The following PAWR variants were observed in gnomAD, a reference collection of about 807,000 sequenced individuals.
The protein encoded by PAWR is pro-apoptotic WT1 regulator.
Under a neutral mutation model 32.0 loss-of-function variants are expected in PAWR, and 23 were observed. The observed-to-expected ratio is 0.72, with a 90% CI of 0.52 to 1.02. The LOEUF (loss-of-function observed/expected upper bound fraction) is 1.02, where lower values mean the gene tolerates loss of function less well. Among genes scored for constraint, PAWR ranks in the 50% least tolerant of loss-of-function variants. The pLI is 0.00. For missense variants in PAWR, 457 were observed against 437.7 expected (o/e 1.04, Z -0.39); for synonymous variants, 226 against 187.1 (o/e 1.21, Z -1.70).
Position 79,676,758 on chromosome 12 carries a change from C to T in PAWR, c.516+12971G>A, listed in dbSNP as rs77787900. ...CTATTTCCTAACATAAGCCCTCTAC[C>T]CCAATCAGGTTACTAATTCTCATCT... On this transcript the variant is annotated intron_variant, in intron 2 of 6. Transcript: ENST00000328827. Among the ~76,000 whole-genome samples the T allele has an allele frequency of 4.4e-3, 676 of 152,266 alleles. 8 individuals are homozygous for T. The highest frequency in any genetic ancestry group is 0.015 in the African/African-American group (610 of 41,548).
chr12:79,658,789 G>A (rs572299696), intron 2 of PAWR, among the ~76,000 whole-genome samples: 56 of 151,754 alleles, frequency 3.7e-4, no homozygotes, highest in African/African-American at 1.3e-3. Flanking sequence ...TCAGCCTCTT[G>A]GGTAGCTGGG....
chr12:79,640,864 A>C (rs1432450313), intron 2 of PAWR, among the ~76,000 whole-genome samples: 5 of 152,198 alleles, frequency 3.3e-5, no homozygotes, highest in Non-Finnish European at 7.3e-5. Flanking sequence ...ACTATGTCCT[A>C]TAATAGTTTG....
At chr12:79,659,510 T>A (rs1370849887) in intron 2 of PAWR, among the ~76,000 whole-genome samples, 1 of 152,138 alleles carries the variant, frequency 6.6e-6, no homozygotes, top group Non-Finnish European at 1.5e-5. Context: ...ACAGAAGTAA[T>A]ACATGACTAG....
chr12:79,650,586 G>A (rs1565690457), intron 2 of PAWR, among the ~76,000 whole-genome samples: 1 of 152,054 alleles, frequency 6.6e-6, no homozygotes, highest in Non-Finnish European at 1.5e-5. Flanking sequence ...AAATATTATA[G>A]GCTTTGTGGA....
At chr12:79,647,962 G>C (rs1229928613) in intron 2 of PAWR, among the ~76,000 whole-genome samples, 9 of 152,076 alleles carry the variant, frequency 5.9e-5, no homozygotes, top group African/African-American at 1.2e-4. Context: ...TTCTCATAAA[G>C]AGCATGCAAC....
intron 2 of PAWR, among the ~76,000 whole-genome samples, chr12:79,629,468 A>C (rs1390095585): frequency 2.0e-5 from 3 of 152,128 alleles, no homozygotes; most frequent in Non-Finnish European, 4.4e-5. Context: ...CAAATAAAGG[A>C]GCTTCAGATC....
intron 2 of PAWR, among the ~76,000 whole-genome samples, chr12:79,667,216 A>G (rs1228371132): frequency 2.0e-5 from 3 of 152,114 alleles, no homozygotes; most frequent in Non-Finnish European, 4.4e-5. Context: ...TCAGATATTA[A>G]TATTTTGAGT....
intron 2 of PAWR, among the ~76,000 whole-genome samples, chr12:79,631,773 C>G (rs902367081): frequency 2.0e-5 from 3 of 152,088 alleles, no homozygotes; most frequent in African/African-American, 7.2e-5. Flanking sequence ...TAGAAACTAT[C>G]AAACTGATTC....
intron 2 of PAWR, among the ~76,000 whole-genome samples, chr12:79,655,763 TATAGTCA>T (rs1877063728): frequency 1.3e-5 from 2 of 152,216 alleles, no homozygotes; most frequent in Admixed American, 6.5e-5. Flanking sequence ...CATCTTTCTC[TATAGTCA>T]AGTATGATTA....
At chr12:79,637,834 TTCTTAA>T (rs1328543986) in intron 2 of PAWR, among the ~76,000 whole-genome samples, 1 of 152,110 alleles carries the variant, frequency 6.6e-6, no homozygotes, top group Non-Finnish European at 1.5e-5. Context: ...AGAAAAATCA[TTCTTAA>T]TCTTAACCAA....
chr12:79,586,760 T>A lies in PAWR; in HGVS notation c.*5847A>T, dbSNP rs1873396028. 1.3e-5 allele frequency: 2 copies of A among 152,306 alleles called. No homozygotes were observed. The highest frequency in any genetic ancestry group is 4.1e-4 in the South Asian group (2 of 4,830). The allele number at this position is 152,306 out of a possible 1,614,324, so 9.4% of individuals were successfully genotyped here. On this transcript the variant is annotated 3_prime_UTR_variant, in exon 7 of 7. Transcript: ENST00000328827. ...TTTCCTTTCTTTAAAAGGATTTTGA[T>A]TCAGTCATAACAGATTTTTGAAAGT...
intron 2 of PAWR, among the ~76,000 whole-genome samples, chr12:79,635,140 G>C (rs1327667761): frequency 6.6e-6 from 1 of 152,050 alleles, no homozygotes; most frequent in African/African-American, 2.4e-5. Flanking sequence ...GCTATTGTCA[G>C]ATGCAGATTA....
At chr12:79,628,835 A>G (rs1002929374) in intron 2 of PAWR, among the ~76,000 whole-genome samples, 9 of 152,108 alleles carry the variant, frequency 5.9e-5, no homozygotes, top group African/African-American at 2.2e-4. Flanking sequence ...TTTATAACAC[A>G]TGGAAAGGTA....
rs1565993741 is a variant in PAWR at position 79,590,250 on chromosome 12, AG to A, written c.*2356del. The A allele has an allele frequency of 7.1e-6, 1 of 140,390 alleles. No homozygotes were observed. The highest frequency in any genetic ancestry group is 1.5e-5 in the Non-Finnish European group (1 of 66,428). The allele number at this position is 140,390 out of a possible 1,614,324, so 8.7% of individuals were successfully genotyped here. A position where few individuals can be genotyped will look rare whatever the true frequency, so the allele number is the denominator to read the frequency against. Reference sequence around the variant, plus strand: ...GTTTCGCTCTTCTTGCCCAGGCTGGAGTACAATGGCGCAATCTCAGCTCACC... The same window carrying A: ...GTTTCGCTCTTCTTGCCCAGGCTGGATACAATGGCGCAATCTCAGCTCACC... On this transcript the variant is annotated 3_prime_UTR_variant, in exon 7 of 7. Coordinates refer to ENST00000328827, the MANE Select transcript of PAWR (RefSeq NM_002583.4).
chr12:79,632,340 TATATATATATATATATATATA>T lies in PAWR; in HGVS notation c.517-11154_517-11134del, dbSNP rs1566011040. Among the ~76,000 whole-genome samples the T allele has an allele frequency of 1.8e-4, 11 of 61,688 alleles. 1 individual carries two copies. The highest frequency in any genetic ancestry group is 1.4e-3 in the African/African-American group (7 of 5,068). The allele number at this position is 61,688 out of a possible 152,430, so 40.5% of individuals were successfully genotyped here. A position where few individuals can be genotyped will look rare whatever the true frequency, so the allele number is the denominator to read the frequency against. ...ATATATATATATATATATATATATA[TATATATATATATATATATATA>T]TTTTTTTTTTTTTTTAGACAGGGTC... On this transcript the variant is annotated intron_variant, in intron 2 of 6. Transcript: ENST00000328827.
intron 2 of PAWR, among the ~76,000 whole-genome samples, chr12:79,684,518 G>T (rs1041618355): frequency 5.9e-5 from 9 of 152,016 alleles, no homozygotes; most frequent in African/African-American, 9.7e-5. Flanking sequence ...GACTGACGCA[G>T]GAGAATTGCT....
intron 2 of PAWR, among the ~76,000 whole-genome samples, chr12:79,638,891 TATATA>T (rs1435009315): frequency 4.0e-4 from 7 of 17,672 alleles, no homozygotes; most frequent in African/African-American, 6.1e-4. Flanking sequence ...TATATATATA[TATATA>T]TTTTTTTTTT....
chr12:79,614,896 G>GCTAGGAGA (rs1037898246), intron 3 of PAWR, among the ~76,000 whole-genome samples: 4 of 152,216 alleles, frequency 2.6e-5, no homozygotes, highest in African/African-American at 9.6e-5. Context: ...CTACTCCGTA[G>GCTAGGAGA]CTAGGAGACT....
At chr12:79,655,538 T>A (rs1229197725) in intron 2 of PAWR, among the ~76,000 whole-genome samples, 1 of 152,198 alleles carries the variant, frequency 6.6e-6, no homozygotes, top group Non-Finnish European at 1.5e-5. Flanking sequence ...GTTTCCCAGG[T>A]GATTTTAACA....
Sources: gnomAD v4.1 joint callset for allele counts (sites outside exome capture counted in the v4.1 genomes callset) on GRCh38, gnomAD v4.1.1 for gene constraint, MANE v1.5 for transcripts, NCBI Gene and HGNC (gene_info 2026-07-23, HGNC 2026-07-21) for gene names.